SRR: variants seen among roughly 807,000 people sequenced by gnomAD.
SRR encodes the protein D-serine ammonia-lyase.
Under a neutral mutation model 32.7 loss-of-function variants are expected in SRR, and 19 were observed. That is an observed-to-expected ratio of 0.58 (90% CI 0.40 to 0.85). The LOEUF (loss-of-function observed/expected upper bound fraction) is 0.85, where lower values mean the gene tolerates loss of function less well. SRR is among the 40% of genes least tolerant of loss of function. The pLI is 0.00. For synonymous variants in SRR, 142 were observed against 140.9 expected (o/e 1.01, Z -0.06); for missense variants, 373 against 404.7 (o/e 0.92, Z 0.67).
intron 1 of SRR, among the ~76,000 whole-genome samples, chr17:2,309,120 A>AAAT (rs912683981): frequency 9.9e-5 from 15 of 152,002 alleles, no homozygotes; most frequent in East Asian, 9.7e-4. Context: ...CTCCATCTCA[A>AAAT]AATAATAATA....
chr17:2,319,335 C>CT (rs1357031524), intron 4 of SRR, among the ~76,000 whole-genome samples: 1 of 152,116 alleles, frequency 6.6e-6, no homozygotes, highest in African/African-American at 2.4e-5. Flanking sequence ...TTGGAGTCAT[C>CT]TTTTTTTGAA....
At chr17:2,315,773 T>G in intron 2 of SRR, 45 bp downstream of exon 2, 1 of 1,563,910 alleles carries the variant, frequency 6.4e-7, no homozygotes, top group East Asian at 2.2e-5. Flanking sequence ...TTTCACACCC[T>G]TTCACATATC....
chr17:2,309,031 T>A (rs545605593), intron 1 of SRR, among the ~76,000 whole-genome samples: 1 of 152,072 alleles, frequency 6.6e-6, no homozygotes, highest in Non-Finnish European at 1.5e-5. Context: ...GGCAGGAGAA[T>A]CGCTTGAATC....
chr17:2,306,268 A>T (rs948082472), intron 1 of SRR, among the ~76,000 whole-genome samples: 40 of 151,802 alleles, frequency 2.6e-4, no homozygotes, highest in African/African-American at 8.9e-4. Context: ...GCGAGCCGAG[A>T]TTGCTCCACT....
At position 2,323,645 on chromosome 17, in the gene SRR, A is replaced by G. The variant is rs751584409; in HGVS notation, c.805-10A>G. 7.4e-6 allele frequency: 12 copies of G among 1,613,648 alleles called. No homozygotes were observed. Among genetic ancestry groups the G allele is most frequent in the Middle Eastern group, 1.6e-4 (1 of 6,080 alleles). On this transcript the variant is annotated splice_polypyrimidine_tract_variant and intron_variant, in intron 7 of 7. Coordinates refer to ENST00000344595, the MANE Select transcript of SRR (RefSeq NM_021947.3). Reference sequence around the variant, plus strand: ...CTTTCACTAATTCCTACTCCCTTCCATATCAACAGTGTGCAACCCAGCTGG... The same window carrying G: ...CTTTCACTAATTCCTACTCCCTTCCGTATCAACAGTGTGCAACCCAGCTGG...
upstream of SRR, chr17:2,303,571 AGGAGGAGGAGAG>A (rs1403474408): frequency 7.4e-7 from 1 of 1,355,528 alleles, no homozygotes; most frequent in Non-Finnish European, 9.5e-7. Flanking sequence ...GAGGAGGCAG[AGGAGGAGGAGAG>A]GGAGGCGGGG....
chr17:2,319,821 CTTTTT>C (rs397701831), intron 4 of SRR, among the ~76,000 whole-genome samples: 1 of 133,388 alleles, frequency 7.5e-6, no homozygotes, highest in African/African-American at 2.8e-5. Context: ...CTTGTCTCTT[CTTTTT>C]TTTTTTTTTT....
At position 2,317,965 on chromosome 17, in the gene SRR, C is replaced by T. The variant is rs747617651; in HGVS notation, c.264C>T (p.Gly88=). The change falls in exon 3 of 8, where the codon GGC becomes GGT. Residue 88 remains glycine, a synonymous_variant. Coordinates refer to ENST00000344595, the MANE Select transcript of SRR (RefSeq NM_021947.3). The stretch of plus-strand genomic sequence containing the variant: ...TTACTCACAGCAGTGGAAACCATGG[C>T]CAGGCTCTCACCTATGCTGCCAAAT... ...AVVTHSSGNH[G]QALTYAAKLE... is the part of the protein sequence containing the mutation. 1 of 1,613,882 alleles carries T rather than the reference C, an allele frequency of 6.2e-7. No homozygotes were observed. Among genetic ancestry groups the T allele is most frequent in the South Asian group, 1.1e-5 (1 of 91,060 alleles).
chr17:2,315,558 A>G lies in SRR; in HGVS notation c.-3A>G. 1.2e-6 allele frequency: 2 copies of G among 1,608,208 alleles called. No homozygotes were observed. The highest frequency in any genetic ancestry group is 1.7e-6 in the Non-Finnish European group (2 of 1,177,914). ...CCCTTTCTTATTCCTGGGTTTCAGA[A>G]CCATGTGTGCTCAGTATTGCATCTC... On this transcript the variant is annotated splice_region_variant and 5_prime_UTR_variant, in exon 2 of 8. Transcript: ENST00000344595.
rs2151438903 is a variant in SRR at position 2,324,640 on chromosome 17, C to T, written c.*767C>T. On this transcript the variant is annotated 3_prime_UTR_variant, in exon 8 of 8. Coordinates refer to ENST00000344595, the MANE Select transcript of SRR (RefSeq NM_021947.3). ...TTTACCCACAAAATGTAAACCCAAC[C>T]TTTATACCACAAAGGCAATCAGATC... 6.2e-7 allele frequency: 1 copy of T among 1,614,006 alleles called. No individual in the cohort carries two copies. Among genetic ancestry groups the T allele is most frequent in the East Asian group, 2.2e-5 (1 of 44,884 alleles).
intron 6 of SRR, among the ~76,000 whole-genome samples, chr17:2,322,313 T>C (rs536877997): frequency 7.9e-5 from 12 of 152,272 alleles, no homozygotes; most frequent in Admixed American, 5.2e-4. Flanking sequence ...GAATTCCATG[T>C]CATCAAGCTA....
At chr17:2,307,457 G>C in intron 1 of SRR, 1 of 1,436,560 alleles carries the variant, frequency 7.0e-7, no homozygotes, top group South Asian at 1.1e-5. Flanking sequence ...GGCAGCTGTG[G>C]TGGTGGTGGA....
intron 2 of SRR, among the ~76,000 whole-genome samples, chr17:2,316,806 A>G (rs928362828): frequency 3.0e-4 from 46 of 151,294 alleles, no homozygotes; most frequent in Admixed American, 8.6e-4. Context: ...TCCACCTCCC[A>G]GGTTCACGCC....
At chr17:2,307,724 C>G in intron 1 of SRR, 2 of 986,202 alleles carry the variant, frequency 2.0e-6, no homozygotes, top group South Asian at 1.3e-5. Context: ...TTTAATTAGG[C>G]AACAAAGCTT....
chr17:2,317,802 G>T, intron 2 of SRR, 68 bp from the exon 3 acceptor site: 1 of 1,545,966 alleles, frequency 6.5e-7, no homozygotes, highest in Non-Finnish European at 8.8e-7. Context: ...AGAAAATCTA[G>T]AAAAGCTCCT....
At chr17:2,303,924 C>A, upstream of SRR, 1 of 270,504 alleles carries the variant, frequency 3.7e-6, no homozygotes, top group Non-Finnish European at 7.0e-6. Context: ...GAGCGAGAGC[C>A]TGGGTGGGGC....
Position 2,323,971 on chromosome 17 carries a change from G to T in SRR, c.*98G>T. On this transcript the variant is annotated 3_prime_UTR_variant, in exon 8 of 8. Coordinates refer to ENST00000344595, the MANE Select transcript of SRR (RefSeq NM_021947.3). ...ACTCTTAGTTATCAGATTCTTAATG[G>T]AGAGTGGCTATTTCATTAAGATTTA... The T allele has an allele frequency of 8.3e-7, 1 of 1,207,778 alleles. No individual in the cohort carries two copies. The highest frequency in any genetic ancestry group is 1.2e-6 in the Non-Finnish European group (1 of 860,766). The allele number at this position is 1,207,778 out of a possible 1,614,324, so 74.8% of individuals were successfully genotyped here. A position where few individuals can be genotyped will look rare whatever the true frequency, so the allele number is the denominator to read the frequency against.
chr17:2,309,110 C>T (rs1206063484), intron 1 of SRR, among the ~76,000 whole-genome samples: 1 of 152,104 alleles, frequency 6.6e-6, no homozygotes, highest in African/African-American at 2.4e-5. Context: ...AAGAGCGAAA[C>T]TCCATCTCAA....
intron 1 of SRR, among the ~76,000 whole-genome samples, chr17:2,305,217 G>A (rs555118470): frequency 6.6e-6 from 1 of 152,344 alleles, no homozygotes; most frequent in South Asian, 2.1e-4. Context: ...AGATTTGAGA[G>A]AAATAGGAAG....
Sources: allele counts gnomAD v4.1 joint callset (sites outside exome capture counted in the v4.1 genomes callset), GRCh38; gene constraint gnomAD v4.1.1; transcripts MANE v1.5; gene names NCBI Gene and HGNC (gene_info 2026-07-23, HGNC 2026-07-21).